Variants in CORIN observed in about 807,000 individuals in gnomAD.
The protein encoded by CORIN is atrial natriuretic peptide-converting enzyme.
A neutral mutation model predicts 125.3 loss-of-function variants in CORIN; 117 were observed. That is an observed-to-expected ratio of 0.93 (90% CI 0.80 to 1.09). The LOEUF is 1.09. Among genes scored for constraint, CORIN ranks in the 50% least tolerant of loss-of-function variants. CORIN has a pLI of 0.00. For missense variants in CORIN, 1,253 were observed against 1,306.7 expected (o/e 0.96, Z 0.63); for synonymous variants, 450 against 466.4 (o/e 0.96, Z 0.45).
At chr4:47,786,535 C>G (rs1314877656) in intron 3 of CORIN, among the ~76,000 whole-genome samples, 190 bp downstream of exon 3, 2 of 151,996 alleles carry the variant, frequency 1.3e-5, no homozygotes, top group Non-Finnish European at 2.9e-5. Flanking sequence ...GAGCAAAACT[C>G]CGCCTGAAAA....
intron 8 of CORIN, 67 bp downstream of exon 8, chr4:47,680,074 C>G: frequency 2.0e-6 from 2 of 996,658 alleles, no homozygotes; most frequent in Non-Finnish European, 3.2e-6. Context: ...CAGTCCTCAA[C>G]CTTGAGTACA....
At chr4:47,765,234 C>T (rs1729666414) in intron 3 of CORIN, among the ~76,000 whole-genome samples, 1 of 151,740 alleles carries the variant, frequency 6.6e-6, no homozygotes, top group African/African-American at 2.4e-5. Flanking sequence ...TGGTGTGAAC[C>T]CGGGAGGCGG....
chr4:47,740,458 AC>A (rs1728333845), intron 5 of CORIN, among the ~76,000 whole-genome samples: 1 of 151,840 alleles, frequency 6.6e-6, no homozygotes, highest in Admixed American at 6.6e-5. Flanking sequence ...TGACGAATTG[AC>A]CCTTTATCAT....
At chr4:47,608,486 G>A (rs1386219418) in intron 19 of CORIN, among the ~76,000 whole-genome samples, 1 of 152,226 alleles carries the variant, frequency 6.6e-6, no homozygotes, top group African/African-American at 2.4e-5. Flanking sequence ...CAGACTGTGA[G>A]AGGAAGGAAG....
chr4:47,780,913 T>TTA (rs376199724), intron 3 of CORIN, among the ~76,000 whole-genome samples: 118 of 150,246 alleles, frequency 7.9e-4, no homozygotes, highest in Admixed American at 2.1e-3. Flanking sequence ...CTTTGAGATT[T>TTA]TATATATATA....
intron 16 of CORIN, among the ~76,000 whole-genome samples, chr4:47,632,725 T>TGATAGATAAATAGATGATAGATA (rs1553905860): frequency 1.9e-4 from 24 of 126,762 alleles, no homozygotes; most frequent in African/African-American, 7.4e-4. Flanking sequence ...TGACAATAGA[T>TGATAGATAAATAGATGATAGATA]GATAGATAGA....
intron 1 of CORIN, among the ~76,000 whole-genome samples, chr4:47,819,185 C>G (rs145397564): frequency 6.6e-6 from 1 of 152,082 alleles, no homozygotes. Flanking sequence ...GAGGAGAACA[C>G]CTTCTGGGTA....
chr4:47,770,967 G>T (rs987311005), intron 3 of CORIN, among the ~76,000 whole-genome samples: 1 of 152,070 alleles, frequency 6.6e-6, no homozygotes. Context: ...GTACAGCATG[G>T]TGACTATAGT....
chr4:47,720,840 T>C (rs904573321), intron 5 of CORIN, among the ~76,000 whole-genome samples: 2 of 152,246 alleles, frequency 1.3e-5, no homozygotes, highest in African/African-American at 4.8e-5. Context: ...ACTATGTTTA[T>C]GACAGTGAAG....
intron 1 of CORIN, among the ~76,000 whole-genome samples, chr4:47,827,261 T>C (rs1235345307): frequency 6.6e-6 from 1 of 152,200 alleles, no homozygotes; most frequent in African/African-American, 2.4e-5. Context: ...GCAATTAAGA[T>C]GTCAATTCAA....
intron 9 of CORIN, among the ~76,000 whole-genome samples, chr4:47,676,961 A>T (rs1236877354): frequency 6.6e-6 from 1 of 152,248 alleles, no homozygotes; most frequent in Non-Finnish European, 1.5e-5. Context: ...TAAGTCTGTG[A>T]CTGAAAAGCT....
intron 10 of CORIN, among the ~76,000 whole-genome samples, chr4:47,669,811 T>C (rs1164907709): frequency 2.0e-5 from 3 of 152,080 alleles, no homozygotes; most frequent in Non-Finnish European, 4.4e-5. Context: ...CCTTGTGATC[T>C]GCCCGCCTCG....
At chr4:47,784,483 C>T (rs753836028) in intron 3 of CORIN, among the ~76,000 whole-genome samples, 1 of 152,172 alleles carries the variant, frequency 6.6e-6, no homozygotes, top group Non-Finnish European at 1.5e-5. Context: ...ATGAGTCAGA[C>T]AGACTTCTAT....
intron 2 of CORIN, among the ~76,000 whole-genome samples, chr4:47,793,581 G>A (rs747115481): frequency 3.3e-5 from 5 of 152,164 alleles, no homozygotes; most frequent in Non-Finnish European, 7.4e-5. Flanking sequence ...CACATCTGGG[G>A]AGAAGAAAGC....
At chr4:47,723,286 C>T (rs1345899390) in intron 5 of CORIN, among the ~76,000 whole-genome samples, 2 of 152,108 alleles carry the variant, frequency 1.3e-5, no homozygotes, top group Non-Finnish European at 2.9e-5. Context: ...TCAGGGAGAT[C>T]ACAGAGAAGA....
chr4:47,668,933 C>T lies in CORIN; in HGVS notation c.1358-3670G>A, dbSNP rs545666749. Among the ~76,000 whole-genome samples the T allele has an allele frequency of 5.3e-5, 8 of 152,318 alleles. 1 individual carries two copies. The highest frequency in any genetic ancestry group is 2.6e-4 in the Admixed American group (4 of 15,300). On this transcript the variant is annotated intron_variant, in intron 10 of 21. Transcript: ENST00000273857. ...TAAGCAAGATAAACTCTCAAAATAC[C>T]TGTCAACCCCAAATTCTATGATTTA...
intron 5 of CORIN, among the ~76,000 whole-genome samples, chr4:47,715,875 A>G (rs918028244): frequency 6.6e-5 from 10 of 152,218 alleles, no homozygotes; most frequent in Non-Finnish European, 2.9e-5. Context: ...GAAGTATGAC[A>G]TATTGGAACG....
intron 16 of CORIN, among the ~76,000 whole-genome samples, chr4:47,635,123 T>C (rs1013317439): frequency 2.6e-5 from 4 of 152,102 alleles, no homozygotes; most frequent in African/African-American, 9.7e-5. Context: ...ATAAAGTGAG[T>C]TGGAGCTCAG....
chr4:47,607,333 G>A (rs896948585), intron 19 of CORIN, among the ~76,000 whole-genome samples: 5 of 151,664 alleles, frequency 3.3e-5, no homozygotes, highest in African/African-American at 1.2e-4. Context: ...GCGTGAACCC[G>A]GGAGGCAGAA....
Sources: gnomAD v4.1 joint callset for allele counts (sites outside exome capture counted in the v4.1 genomes callset) on GRCh38, gnomAD v4.1.1 for gene constraint, MANE v1.5 for transcripts, NCBI Gene and HGNC (gene_info 2026-07-23, HGNC 2026-07-21) for gene names.